PDE4B: variants seen among roughly 807,000 people sequenced by gnomAD.
The protein encoded by PDE4B is phosphodiesterase 4B, also known as 3',5'-cyclic-AMP phosphodiesterase 4B.
PDE4B carries 20 observed loss-of-function variants against 82.2 expected under a neutral mutation model. The observed-to-expected ratio is 0.24, with a 90% CI of 0.17 to 0.35. PDE4B has a LOEUF of 0.35. PDE4B is among the 10% of genes least tolerant of loss of function. PDE4B has a pLI of 1.00. For synonymous variants in PDE4B, 320 were observed against 318.9 expected, an observed-to-expected ratio of 1.00 and a Z score of -0.04; for missense variants, 655 against 907.2, an observed-to-expected ratio of 0.72 and a Z score of 3.57.
At chr1:65,980,829 C>T (rs764593795) in intron 3 of PDE4B, among the ~76,000 whole-genome samples, 1 of 151,980 alleles carries the variant, frequency 6.6e-6, no homozygotes, top group African/African-American at 2.4e-5. Flanking sequence ...TCTAAAAGTA[C>T]AGTTACTTTC....
intron 16 of PDE4B, among the ~76,000 whole-genome samples, chr1:66,370,447 G>A (rs1325064885): frequency 1.3e-5 from 2 of 152,170 alleles, no homozygotes; most frequent in Non-Finnish European, 1.5e-5. Context: ...TCCCCAGCAT[G>A]TCAGGTGCAA....
At chr1:66,275,672 C>CTGCT (rs1196791968) in intron 7 of PDE4B, among the ~76,000 whole-genome samples, 1 of 152,130 alleles carries the variant, frequency 6.6e-6, no homozygotes, top group Non-Finnish European at 1.5e-5. Flanking sequence ...AGGGTGAATT[C>CTGCT]TGCTTGCTTG....
chr1:66,166,682 T>C (rs891896020), intron 3 of PDE4B, among the ~76,000 whole-genome samples: 2 of 146,626 alleles, frequency 1.4e-5, no homozygotes, highest in Non-Finnish European at 1.5e-5. Flanking sequence ...TGCAGTGAGC[T>C]GAGATGGTGC....
chr1:66,050,786 G>A (rs1373070447), intron 3 of PDE4B: 2 of 152,110 alleles, frequency 1.3e-5, no homozygotes, highest in Non-Finnish European at 2.9e-5. Context: ...TCGAGGTATT[G>A]GAGATCCGTG....
chr1:66,250,009 A>G (rs1653627607), intron 4 of PDE4B, among the ~76,000 whole-genome samples: 1 of 152,238 alleles, frequency 6.6e-6, no homozygotes. Context: ...ATATTTCACA[A>G]CACGCTGAGA....
chr1:65,997,207 T>C lies in PDE4B; in HGVS notation c.281+78372T>C, dbSNP rs540974455. Among the ~76,000 whole-genome samples, 6 of 136,116 alleles carry C rather than the reference T, an allele frequency of 4.4e-5. No individual in the cohort carries two copies. The East Asian group carries it at 9.0e-4, about 20-fold the overall frequency. The allele number at this position is 136,116 out of a possible 152,430, so 89.3% of individuals were successfully genotyped here. On this transcript the variant is annotated intron_variant, in intron 3 of 16. Transcript: ENST00000341517. ...TCCTTTTTGGAGCTCTCTTCTTGTA[T>C]TTGTGAGGACTACCCTCTATCTCTC...
At chr1:66,003,217 A>G (rs926703034) in intron 3 of PDE4B, among the ~76,000 whole-genome samples, 3 of 152,188 alleles carry the variant, frequency 2.0e-5, no homozygotes, top group African/African-American at 7.2e-5. Flanking sequence ...ATTTGCTGTC[A>G]TGTAATAATC....
chr1:65,902,771 G>C lies in PDE4B; in HGVS notation c.-70-10474G>C, dbSNP rs374006867. 2.0e-4 allele frequency among the ~76,000 whole-genome samples: 30 copies of C among 152,238 alleles called. 1 individual carries two copies. In the East Asian group the frequency reaches 2.9e-3, roughly 15 times the overall value. ...TAAATGCCCAAGTACATGACTATAT[G>C]AATTCATAAATAAGATTTTGGTGGG... On this transcript the variant is annotated intron_variant, in intron 1 of 16. Transcript: ENST00000341517.
At chr1:65,937,617 A>G (rs1046243691) in intron 3 of PDE4B, among the ~76,000 whole-genome samples, 1 of 152,174 alleles carries the variant, frequency 6.6e-6, no homozygotes. Flanking sequence ...TTGGCTACAG[A>G]AACTGAATTT....
At chr1:65,922,261 GA>G in intron 3 of PDE4B, among the ~76,000 whole-genome samples, 1 of 152,268 alleles carries the variant, frequency 6.6e-6, no homozygotes, top group African/African-American at 2.4e-5. Flanking sequence ...GAAAATTAAA[GA>G]AAAGGTTTGC....
At chr1:66,131,620 T>C (rs897991758) in intron 3 of PDE4B, among the ~76,000 whole-genome samples, 47 of 115,704 alleles carry the variant, frequency 4.1e-4, no homozygotes, top group African/African-American at 1.5e-3. Flanking sequence ...TATATATATA[T>C]ATATATATAT....
At chr1:66,319,990 T>A (rs1465856196) in intron 7 of PDE4B, among the ~76,000 whole-genome samples, 1 of 152,168 alleles carries the variant, frequency 6.6e-6, no homozygotes, top group Non-Finnish European at 1.5e-5. Flanking sequence ...TCAACCCACT[T>A]ACTCAAATCA....
intron 8 of PDE4B, chr1:66,355,113 T>G (rs1662134540): frequency 4.6e-6 from 2 of 435,924 alleles, no homozygotes; most frequent in South Asian, 1.2e-4. Context: ...TTCTGTTTTT[T>G]AAAAGATGCT....
Position 65,913,236 on chromosome 1 carries a change from C to G in PDE4B, c.-70-9C>G. The G allele has an allele frequency of 8.2e-7, 1 of 1,218,848 alleles. No individual in the cohort carries two copies. The highest frequency in any genetic ancestry group is 1.2e-6 in the Non-Finnish European group (1 of 827,548). The allele number at this position is 1,218,848 out of a possible 1,614,324, so 75.5% of individuals were successfully genotyped here. ...GCTGTTCTTTTTTGTGTGTTTTTTT[C>G]TCCTGTAGGTATTAAAAAGTGTCAG... On this transcript the variant is annotated splice_polypyrimidine_tract_variant and intron_variant, in intron 1 of 16. Coordinates refer to ENST00000341517, the MANE Select transcript of PDE4B (RefSeq NM_002600.4).
At chr1:65,932,960 A>G (rs929273832) in intron 3 of PDE4B, among the ~76,000 whole-genome samples, 1 of 152,186 alleles carries the variant, frequency 6.6e-6, no homozygotes, top group African/African-American at 2.4e-5. Flanking sequence ...ATGGGACACC[A>G]TCAAGTGGAC....
At chr1:66,110,366 A>AAC (rs1042857396) in intron 3 of PDE4B, among the ~76,000 whole-genome samples, 1 of 151,968 alleles carries the variant, frequency 6.6e-6, no homozygotes, top group African/African-American at 2.4e-5. Context: ...GGAGAGTTCC[A>AAC]ATATATATAC....
intron 3 of PDE4B, among the ~76,000 whole-genome samples, chr1:66,236,861 T>G (rs1163892201): frequency 2.6e-5 from 4 of 152,226 alleles, no homozygotes; most frequent in Admixed American, 2.6e-4. Context: ...AAACTGGTTT[T>G]AAATCCACGA....
At chr1:65,906,604 T>C (rs1025799826) in intron 1 of PDE4B, among the ~76,000 whole-genome samples, 14 of 152,118 alleles carry the variant, frequency 9.2e-5, no homozygotes, top group Non-Finnish European at 1.9e-4. Flanking sequence ...AACAAATTCA[T>C]TGAGGCATTA....
Position 66,364,869 on chromosome 1 carries a change from A to G in PDE4B, c.1285-798A>G, listed in dbSNP as rs369592304. On this transcript the variant is annotated intron_variant, in intron 12 of 16. Coordinates refer to ENST00000341517, the MANE Select transcript of PDE4B (RefSeq NM_002600.4). ...GGGAGAGCTCAATGAGTGCTTGGGT[A>G]ATGTGATTGGTCTTTATAGGAGAGG... is the stretch of plus-strand genomic sequence containing the variant. Among the ~76,000 whole-genome samples, 5 of 152,198 alleles carry G rather than the reference A, an allele frequency of 3.3e-5. No homozygotes were observed. In the South Asian group the frequency reaches 1.0e-3, roughly 32 times the overall value.
Sources: allele counts gnomAD v4.1 joint callset (sites outside exome capture counted in the v4.1 genomes callset), GRCh38; gene constraint gnomAD v4.1.1; transcripts MANE v1.5; gene names NCBI Gene and HGNC (gene_info 2026-07-23, HGNC 2026-07-21).